Variants in PRPSAP1 observed in about 807,000 individuals in gnomAD.
The protein encoded by PRPSAP1 is phosphoribosyl pyrophosphate synthetase associated protein 1, also known as phosphoribosyl pyrophosphate synthase-associated protein 1.
A neutral mutation model predicts 39.4 loss-of-function variants in PRPSAP1; 31 were observed. That is an observed-to-expected ratio of 0.79 (90% CI 0.59 to 1.06). PRPSAP1 has a LOEUF of 1.06. Ranked by LOEUF, PRPSAP1 falls within the 50% of genes least tolerant of loss-of-function variation. PRPSAP1 has a pLI of 0.00. For missense variants in PRPSAP1, 430 were observed against 511.6 expected, an observed-to-expected ratio of 0.84 and a Z score of 1.54; for synonymous variants, 212 against 192.6, an observed-to-expected ratio of 1.10 and a Z score of -0.83.
At chr17:76,312,195 C>A (rs138375988) in intron 9 of PRPSAP1, among the ~76,000 whole-genome samples, 365 of 152,246 alleles carry the variant, frequency 2.4e-3, no homozygotes, top group African/African-American at 8.4e-3. Context: ...AATCCTAGCA[C>A]TTTGGGAGGC....
rs71161279 is a variant in PRPSAP1, at chr17:76,315,700, C to CTTTTTTTTTTT, written c.782-1820_782-1810dup. 9.1e-4 allele frequency among the ~76,000 whole-genome samples: 66 copies of CTTTTTTTTTTT among 72,676 alleles called. 8 individuals are homozygous for CTTTTTTTTTTT. Among genetic ancestry groups the CTTTTTTTTTTT allele is most frequent in the African/African-American group, 3.7e-3 (57 of 15,582 alleles). The allele number at this position is 72,676 out of a possible 152,430, so 47.7% of individuals were successfully genotyped here. On this transcript the variant is annotated intron_variant, in intron 7 of 9. Transcript: ENST00000446526. ...ACACGCAGTTATGTTGACCTATCCG[C>CTTTTTTTTTTT]TTTTTTTTTTTTTTTTTTTTTTTTT... is the stretch of plus-strand genomic sequence containing the variant.
rs931094899 is a variant in PRPSAP1, at chr17:76,311,299, C to T, written c.*243G>A. The T allele has an allele frequency of 8.4e-6, 3 of 356,096 alleles. No individual in the cohort carries two copies. The highest frequency in any genetic ancestry group is 6.3e-5 in the African/African-American group (3 of 47,300). 22.1% of individuals were successfully genotyped at this position (356,096 alleles called of 1,614,324 possible). A position where few individuals can be genotyped will look rare whatever the true frequency, so the allele number is the denominator to read the frequency against. ...TTTCAGATTATTTTTAAGAAAGCAG[C>T]TAGAACTTTTAAGGAACAGGGCTGA... On this transcript the variant is annotated 3_prime_UTR_variant, in exon 10 of 10. Coordinates refer to ENST00000446526, the MANE Select transcript of PRPSAP1 (RefSeq NM_002766.3).
chr17:76,313,635 G>C (rs942316139), intron 8 of PRPSAP1, 186 bp downstream of exon 8: 2 of 601,744 alleles, frequency 3.3e-6, no homozygotes, highest in African/African-American at 3.7e-5. Context: ...CCTATCTGTA[G>C]GTTATACTTT....
chr17:76,353,692 C>T lies in PRPSAP1; in HGVS notation c.12G>A (p.Lys4=), dbSNP rs566984691. 28 of 1,491,376 alleles carry T rather than the reference C, an allele frequency of 1.9e-5. 1 individual carries two copies. The African/African-American group carries it at 3.4e-4, about 18-fold the overall frequency. 92.4% of individuals were successfully genotyped at this position (1,491,376 alleles called of 1,614,324 possible). ...CGGAGGGCGGGGGCAACAGCAGCAG[C>T]TTCTTGGGCATCGTCCGGCCCGCGG... The part of the protein sequence containing the change: MPK[K]LLLLPPPSAS... Residue 4 remains lysine, a synonymous_variant, in exon 1 of 10, where the codon AAG becomes AAA. Transcript: ENST00000446526.
chr17:76,332,509 C>T, intron 3 of PRPSAP1, 74 bp from the exon 4 acceptor site: 4 of 1,544,400 alleles, frequency 2.6e-6, no homozygotes, highest in Non-Finnish European at 3.5e-6. Flanking sequence ...ACTTTATCAA[C>T]TTAACATGGG....
intron 8 of PRPSAP1, chr17:76,313,452 C>T (rs1404470994): frequency 1.5e-5 from 4 of 261,072 alleles, no homozygotes; most frequent in Admixed American, 4.9e-5. Flanking sequence ...ACATGCAGAA[C>T]GAGTCTGCAC....
chr17:76,341,710 CAGGCGGATCACGAGGTT>C (rs1216085027), intron 3 of PRPSAP1, among the ~76,000 whole-genome samples: 3 of 152,184 alleles, frequency 2.0e-5, no homozygotes, highest in Non-Finnish European at 2.9e-5. Context: ...GAGGCCGAGG[CAGGCGGATCACGAGGTT>C]AGGAGATCGA....
chr17:76,343,777 G>A (rs1193013738), intron 3 of PRPSAP1, among the ~76,000 whole-genome samples: 1 of 152,122 alleles, frequency 6.6e-6, no homozygotes, highest in Non-Finnish European at 1.5e-5. Flanking sequence ...AGAGGCTGCA[G>A]TGAGCCAAGA....
intron 3 of PRPSAP1, among the ~76,000 whole-genome samples, chr17:76,341,232 TTG>T (rs1332743057): frequency 1.3e-4 from 13 of 101,196 alleles, no homozygotes; most frequent in African/African-American, 4.9e-4. Context: ...TGACTTTTTT[TTG>T]TTTTTTTTTT....
chr17:76,331,405 G>A (rs1211009651), intron 4 of PRPSAP1, among the ~76,000 whole-genome samples: 3 of 152,184 alleles, frequency 2.0e-5, no homozygotes, highest in Non-Finnish European at 4.4e-5. Flanking sequence ...AACACAGACT[G>A]AAAAGGTAGT....
intron 6 of PRPSAP1, 66 bp downstream of exon 6, chr17:76,329,977 C>A: frequency 6.7e-7 from 1 of 1,494,292 alleles, no homozygotes. Flanking sequence ...CTCTGGATTC[C>A]AAAGCAGCTC....
At chr17:76,334,721 T>C (rs1432189727) in intron 3 of PRPSAP1, among the ~76,000 whole-genome samples, 1 of 152,214 alleles carries the variant, frequency 6.6e-6, no homozygotes, top group African/African-American at 2.4e-5. Context: ...AGACTGCTAA[T>C]CCATTCCATT....
chr17:76,335,107 TTTTTC>T (rs2071364302), intron 3 of PRPSAP1, among the ~76,000 whole-genome samples: 1 of 152,136 alleles, frequency 6.6e-6, no homozygotes, highest in Non-Finnish European at 1.5e-5. Flanking sequence ...TAAAAGATTT[TTTTTC>T]TTTTCTTTTC....
intron 7 of PRPSAP1, among the ~76,000 whole-genome samples, chr17:76,317,495 C>T (rs776992772): frequency 6.6e-6 from 1 of 152,122 alleles, no homozygotes; most frequent in Non-Finnish European, 1.5e-5. Flanking sequence ...TGCACTCTAG[C>T]CTGGGTGACA....
intron 3 of PRPSAP1, among the ~76,000 whole-genome samples, chr17:76,341,933 C>T (rs571762358): frequency 8.4e-4 from 127 of 152,086 alleles, no homozygotes; most frequent in African/African-American, 2.9e-3. Context: ...AGTGAGACTC[C>T]GTCTAAAAAT....
chr17:76,351,343 G>T (rs1229218915), intron 1 of PRPSAP1, among the ~76,000 whole-genome samples: 1 of 152,064 alleles, frequency 6.6e-6, no homozygotes, highest in African/African-American at 2.4e-5. Flanking sequence ...AGTGAAACCC[G>T]TCTCTACTAA....
chr17:76,330,714 T>C (rs746071124), intron 4 of PRPSAP1, 48 bp from the exon 5 acceptor site: 33 of 1,223,668 alleles, frequency 2.7e-5, no homozygotes, highest in Middle Eastern at 2.5e-4. Context: ...TACAGGTAAA[T>C]GGCTACAGTG....
At chr17:76,325,897 C>A (rs766823016) in intron 7 of PRPSAP1, among the ~76,000 whole-genome samples, 5 of 152,032 alleles carry the variant, frequency 3.3e-5, no homozygotes, top group Non-Finnish European at 5.9e-5. Flanking sequence ...TGAGCCATTG[C>A]GCCTGGCCAA....
At position 76,332,273 on chromosome 17, in the gene PRPSAP1, C is replaced by T. The variant is rs1405444158; in HGVS notation, c.453G>A (p.Leu151=). 1 of 1,613,952 alleles carries T rather than the reference C, an allele frequency of 6.2e-7. No homozygotes were observed. The highest frequency in any genetic ancestry group is 8.5e-7 in the Non-Finnish European group (1 of 1,179,986). The change falls in exon 4 of 10, where the codon CTG becomes CTA. Residue 151 remains leucine (L), a synonymous_variant. Coordinates refer to ENST00000446526, the MANE Select transcript of PRPSAP1 (RefSeq NM_002766.3). The stretch of plus-strand genomic sequence containing the variant: ...CCCGCGCACACTCACCTGCTTTCGC[C>T]AGCATGGATGCTAGCAGCTTGCACA... ...SIVCKLLASM[L]AKAGLTHIIT... is the part of the protein sequence containing the mutation.
Sources: allele counts gnomAD v4.1 joint callset (sites outside exome capture counted in the v4.1 genomes callset), GRCh38; gene constraint gnomAD v4.1.1; transcripts MANE v1.5; gene names NCBI Gene and HGNC (gene_info 2026-07-23, HGNC 2026-07-21).